RBM6: variants seen among roughly 807,000 people sequenced by gnomAD.
RBM6 encodes RNA binding motif protein 6.
RBM6 carries 23 observed loss-of-function variants against 140.4 expected under a neutral mutation model. The ratio of observed to expected loss-of-function variants is 0.16; its 90% CI spans 0.12 to 0.23. The LOEUF is 0.23. RBM6 is among the 10% of genes least tolerant of loss of function. RBM6 has a pLI of 1.00. For synonymous variants in RBM6, 439 were observed against 475.6 expected, an observed-to-expected ratio of 0.92 and a Z score of 1.00; for missense variants, 1,139 against 1,386.7, an observed-to-expected ratio of 0.82 and a Z score of 2.84.
At chr3:49,963,714 A>G (rs888799674) in intron 2 of RBM6, among the ~76,000 whole-genome samples, 6 of 152,176 alleles carry the variant, frequency 3.9e-5, no homozygotes, top group African/African-American at 1.4e-4. Flanking sequence ...TATAGCTAGT[A>G]TCATACACAC....
chr3:50,028,945 C>T (rs1169831822), intron 6 of RBM6, among the ~76,000 whole-genome samples: 1 of 152,130 alleles, frequency 6.6e-6, no homozygotes, highest in Non-Finnish European at 1.5e-5. Flanking sequence ...TGTTAGGTTT[C>T]TACTGTATTT....
At chr3:50,033,846 A>C (rs7624030) in intron 6 of RBM6, among the ~76,000 whole-genome samples, 97,468 of 151,776 alleles carry the variant, frequency 0.64, 31,886 homozygotes, top group East Asian at 0.88. Context: ...TTTACCATGT[A>C]GGCCAGGATG....
intron 1 of RBM6, among the ~76,000 whole-genome samples, chr3:49,953,434 G>T (rs1053745687): frequency 2.6e-5 from 4 of 151,552 alleles, no homozygotes; most frequent in South Asian, 2.1e-4. Flanking sequence ...TGGCCAGGCT[G>T]GTCTCGATCT....
rs774716084 is a variant in RBM6, at chr3:50,068,680, C to G, written c.2944-10C>G. 1.2e-6 allele frequency: 2 copies of G among 1,613,694 alleles called. No homozygotes were observed. The highest frequency in any genetic ancestry group is 8.5e-7 in the Non-Finnish European group (1 of 1,179,602). On this transcript the variant is annotated splice_polypyrimidine_tract_variant and intron_variant, in intron 17 of 20. Transcript: ENST00000266022. ...TAGACCTATACTCATAGAATTGCCT[C>G]TCTTCTCAGCAAAACCTGGAAATCC...
At chr3:50,046,634 C>T (rs1332701912) in intron 6 of RBM6, among the ~76,000 whole-genome samples, 1 of 151,494 alleles carries the variant, frequency 6.6e-6, no homozygotes, top group Non-Finnish European at 1.5e-5. Context: ...TAACTTCCTG[C>T]ATTGGTGGAG....
intron 6 of RBM6, among the ~76,000 whole-genome samples, chr3:50,016,057 T>C (rs1485761430): frequency 1.3e-5 from 2 of 152,232 alleles, no homozygotes; most frequent in East Asian, 3.8e-4. Flanking sequence ...ACTGAAACTT[T>C]ATACTCTTTG....
Position 50,062,067 on chromosome 3 carries a change from A to G in RBM6, c.2545A>G (p.Lys849Glu), listed in dbSNP as rs78565722. The G allele has an allele frequency of 4.1e-4, 665 of 1,614,036 alleles. 6 individuals are homozygous for G. In the East Asian group the frequency reaches 0.011, roughly 27 times the overall value. The change falls in exon 15 of 21, where the codon AAA becomes GAA. Residue 849 changes from lysine (K) to glutamate (E), a missense_variant. Lys to Glu is a moderately conservative substitution (Grantham distance 56). Coordinates refer to ENST00000266022, the MANE Select transcript of RBM6 (RefSeq NM_005777.3). ...GTCAAGTAGCAAGAAGGAAATGTCT[A>G]AAAGAGATGGCAAGGAGAAAAAAGA... is the stretch of plus-strand genomic sequence containing the variant. ...GKSSSKKEMS[K>E]RDGKEKKDRG...
At chr3:49,973,489 A>G (rs941396376) in intron 4 of RBM6, among the ~76,000 whole-genome samples, 5 of 152,116 alleles carry the variant, frequency 3.3e-5, no homozygotes, top group Admixed American at 3.3e-4. Context: ...GAAACTGGAC[A>G]CTAAAAGGTT....
intron 1 of RBM6, among the ~76,000 whole-genome samples, chr3:49,943,273 C>G (rs1350069087): frequency 1.3e-5 from 2 of 151,988 alleles, no homozygotes; most frequent in Middle Eastern, 3.4e-3. Context: ...AGGGAAATTG[C>G]TATATGGTAA....
At chr3:50,044,581 C>CAA (rs374050158) in intron 6 of RBM6, among the ~76,000 whole-genome samples, 3 of 105,740 alleles carry the variant, frequency 2.8e-5, no homozygotes, top group Non-Finnish European at 4.0e-5. Flanking sequence ...GACTCCGTCT[C>CAA]AAAAAAAAAA....
At chr3:49,952,657 G>A (rs988325227) in intron 1 of RBM6, among the ~76,000 whole-genome samples, 12 of 151,444 alleles carry the variant, frequency 7.9e-5, no homozygotes, top group East Asian at 2.0e-4. Flanking sequence ...GCATCACCAC[G>A]CCAGCTAATT....
rs559324395 is a variant in RBM6 at position 50,039,075 on chromosome 3, T to C, written c.1558-9170T>C. Reference sequence around the variant, plus strand: ...TGTGAGTATTTTTATTTCATTGCTATGTGATTGGAATCAACTCAGGAAAGA... The same window carrying C: ...TGTGAGTATTTTTATTTCATTGCTACGTGATTGGAATCAACTCAGGAAAGA... On this transcript the variant is annotated intron_variant, in intron 6 of 20. Transcript: ENST00000266022. Among the ~76,000 whole-genome samples, 7 of 144,484 alleles carry C rather than the reference T, an allele frequency of 4.8e-5. No individual in the cohort carries two copies. In the South Asian group the frequency reaches 1.7e-3, roughly 35 times the overall value. 94.8% of individuals were successfully genotyped at this position (144,484 alleles called of 152,430 possible).
At chr3:50,003,139 T>C (rs1045353668) in intron 6 of RBM6, among the ~76,000 whole-genome samples, 1 of 151,710 alleles carries the variant, frequency 6.6e-6, no homozygotes, top group Admixed American at 6.6e-5. Context: ...ATTGAATAAA[T>C]AAATAAATAA....
chr3:49,989,596 T>A (rs953081336), intron 5 of RBM6, among the ~76,000 whole-genome samples: 5 of 151,914 alleles, frequency 3.3e-5, no homozygotes, highest in South Asian at 2.1e-4. Flanking sequence ...ATAAATAAAA[T>A]AATAATAATA....
At position 49,967,695 on chromosome 3, in the gene RBM6, A is replaced by C; in HGVS notation, c.270A>C (p.Gly90=). Residue 90 remains glycine, a synonymous_variant, in exon 3 of 21, where the codon GGA becomes GGC. Coordinates refer to ENST00000266022, the MANE Select transcript of RBM6 (RefSeq NM_005777.3). The surrounding 1 kb of genome is among the most constrained non-coding windows in gnomAD (Gnocchi z 4.0). The part of the protein sequence containing the change: ...GPHGDYRGGE[G]PGHDFRGGDF... The stretch of plus-strand genomic sequence containing the variant: ...ATGGTGACTATCGAGGAGGGGAGGG[A>C]CCTGGACATGATTTCAGGGGGGGAG... The C allele has an allele frequency of 6.2e-7, 1 of 1,613,940 alleles. No homozygotes were observed. The highest frequency in any genetic ancestry group is 8.5e-7 in the Non-Finnish European group (1 of 1,179,998).
intron 10 of RBM6, 62 bp downstream of exon 10, chr3:50,058,624 T>G: frequency 6.7e-7 from 1 of 1,502,410 alleles, no homozygotes; most frequent in Non-Finnish European, 9.2e-7. Flanking sequence ...TCAAGAAGGT[T>G]TGACTGGGGG....
chr3:50,045,586 A>T (rs1422548964), intron 6 of RBM6, among the ~76,000 whole-genome samples: 1 of 152,200 alleles, frequency 6.6e-6, no homozygotes, highest in Non-Finnish European at 1.5e-5. Context: ...ACAGTTTCTG[A>T]TGTGTAGTGA....
intron 8 of RBM6, among the ~76,000 whole-genome samples, chr3:50,056,892 G>A (rs1221468596): frequency 1.3e-5 from 2 of 152,186 alleles, no homozygotes; most frequent in Non-Finnish European, 1.5e-5. Flanking sequence ...AAGGAGCTAC[G>A]TGCAGATAGG....
chr3:50,058,124 T>C, intron 9 of RBM6, 121 bp downstream of exon 9: 1 of 1,246,842 alleles, frequency 8.0e-7, no homozygotes, highest in South Asian at 1.5e-5. Context: ...CATGACCTGA[T>C]GACAGAGGCC....
Sources: allele counts gnomAD v4.1 joint callset (sites outside exome capture counted in the v4.1 genomes callset), GRCh38; gene constraint gnomAD v4.1.1; non-coding constraint Gnocchi (gnomAD v3.1); transcripts MANE v1.5; gene names NCBI Gene and HGNC (gene_info 2026-07-23, HGNC 2026-07-21).